Variants in LAMA1 observed in about 807,000 individuals in gnomAD.
LAMA1 encodes laminin subunit alpha 1.
In LAMA1, 219 loss-of-function variants were observed where a neutral mutation model predicts 348.7. That is an observed-to-expected ratio of 0.63 (90% CI 0.56 to 0.70). The LOEUF is 0.70. Among genes scored for constraint, LAMA1 ranks in the 30% least tolerant of loss-of-function variants. The pLI is 0.00. For synonymous variants in LAMA1, 1,487 were observed against 1,491.0 expected (o/e 1.00, Z 0.06); for missense variants, 3,744 against 3,888.0 (o/e 0.96, Z 0.99).
intron 1 of LAMA1, 132 bp downstream of exon 1, chr18:7,117,528 G>C: frequency 1.1e-6 from 1 of 886,964 alleles, no homozygotes; most frequent in Non-Finnish European, 1.7e-6. Context: ...ACGTGGCCGA[G>C]ACACCCACTC....
chr18:6,968,870 GCTACA>G (rs2057645713), intron 48 of LAMA1, among the ~76,000 whole-genome samples: 1 of 152,136 alleles, frequency 6.6e-6, no homozygotes, highest in Non-Finnish European at 1.5e-5. Context: ...ACATCGATGG[GCTACA>G]CTAATGATTT....
chr18:7,049,225 G>C lies in LAMA1; in HGVS notation c.621C>G (p.Ser207Arg), dbSNP rs756452947. The change falls in exon 5 of 63, where the codon AGC becomes AGG. Residue 207 changes from serine (S) to arginine (R), a missense_variant. Transcript: ENST00000389658. ...IHTSLINGRP[S>R]ADDLSPKLLE... ...ACAACTTGGGTGAAAGATCGTCAGCGCTTGGTCTGCCATTGATGAGTGATG... is the reference window on the plus strand; with the variant it reads ...ACAACTTGGGTGAAAGATCGTCAGCCCTTGGTCTGCCATTGATGAGTGATG... The C allele has an allele frequency of 6.2e-7, 1 of 1,614,064 alleles. No homozygotes were observed. The highest frequency in any genetic ancestry group is 1.7e-5 in the Admixed American group (1 of 60,000).
intron 13 of LAMA1, among the ~76,000 whole-genome samples, chr18:7,035,518 G>A (rs1473931881): frequency 6.6e-6 from 1 of 151,890 alleles, no homozygotes; most frequent in East Asian, 1.9e-4. Flanking sequence ...GAACTCCTGG[G>A]CTCAAGCCAT....
chr18:7,037,357 C>T (rs2057999733), intron 12 of LAMA1, among the ~76,000 whole-genome samples: 1 of 152,298 alleles, frequency 6.6e-6, no homozygotes, highest in East Asian at 1.9e-4. Flanking sequence ...GCTCAGGAAC[C>T]AGACCAGAAG....
chr18:7,044,651 T>A, intron 7 of LAMA1, 71 bp downstream of exon 7: 1 of 1,194,200 alleles, frequency 8.4e-7, no homozygotes, highest in African/African-American at 1.5e-5. Context: ...ATAAAAGTTG[T>A]TAAGACACCA....
Position 6,958,627 on chromosome 18 carries a change from A to T in LAMA1, c.7814T>A (p.Val2605Glu). The stretch of plus-strand genomic sequence containing the variant: ...TACTAATGTGCCCAACTTCATTTCC[A>T]CAGGATTGTTCTCATCCAATTGGAC... The part of the protein sequence containing the change: ...ITVQLDENNP[V>E]EMKLGTLVES... The change falls in exon 55 of 63, where the codon GTG becomes GAG. Residue 2605 changes from valine to glutamate, a missense_variant. Val to Glu is a moderately radical substitution (Grantham distance 121). Coordinates refer to ENST00000389658, the MANE Select transcript of LAMA1 (RefSeq NM_005559.4). 1 of 1,614,188 alleles carries T rather than the reference A, an allele frequency of 6.2e-7. No homozygotes were observed. Among genetic ancestry groups the T allele is most frequent in the Non-Finnish European group, 8.5e-7 (1 of 1,180,002 alleles).
intron 30 of LAMA1, among the ~76,000 whole-genome samples, chr18:7,000,579 G>C (rs989665752): frequency 6.6e-6 from 1 of 152,174 alleles, no homozygotes; most frequent in Non-Finnish European, 1.5e-5. Context: ...TTTAATCATC[G>C]ACTGGGATTT....
At chr18:7,001,546 C>CA (rs1568025611) in intron 30 of LAMA1, among the ~76,000 whole-genome samples, 1 of 152,116 alleles carries the variant, frequency 6.6e-6, no homozygotes, top group Non-Finnish European at 1.5e-5. Flanking sequence ...CATCAGGCAT[C>CA]ATTTACTTGG....
intron 54 of LAMA1, 141 bp downstream of exon 54, chr18:6,959,200 A>G: frequency 9.3e-7 from 1 of 1,075,354 alleles, no homozygotes; most frequent in East Asian, 2.4e-5. Context: ...CCAGGAAAGA[A>G]TCCTAGCAAG....
chr18:6,961,343 G>T (rs978463116), intron 53 of LAMA1, among the ~76,000 whole-genome samples: 6 of 152,138 alleles, frequency 3.9e-5, no homozygotes, highest in South Asian at 2.1e-4. Flanking sequence ...AAAATTAGAG[G>T]TAGACAGCAA....
intron 33 of LAMA1, 35 bp downstream of exon 33, chr18:6,997,707 A>C (rs1048207933): frequency 6.2e-7 from 1 of 1,604,602 alleles, no homozygotes; most frequent in Non-Finnish European, 8.5e-7. Flanking sequence ...TTAATGATAC[A>C]AGTGTCTGTT....
chr18:6,966,224 T>C lies in LAMA1; in HGVS notation c.6973A>G (p.Thr2325Ala). ...YSVVEKSLPA[T>A]VTQIIMLFNT... ...AAAAGCATGATTATCTGGGTCACGG[T>C]AGCCGGAAGTGACTTCTCCACGACA... The change falls in exon 49 of 63, where the codon ACC (threonine) becomes GCC (alanine). Residue 2325 changes from threonine to alanine, a missense_variant. By Grantham distance (58) the Thr-to-Ala change is moderately conservative. Transcript: ENST00000389658. 6.2e-7 allele frequency: 1 copy of C among 1,614,046 alleles called. No homozygotes were observed. Among genetic ancestry groups the C allele is most frequent in the East Asian group, 2.2e-5 (1 of 44,872 alleles).
intron 61 of LAMA1, 81 bp downstream of exon 61, chr18:6,947,082 T>C: frequency 6.4e-7 from 1 of 1,565,186 alleles, no homozygotes; most frequent in Non-Finnish European, 8.8e-7. Flanking sequence ...TAGATAGTTG[T>C]GAATTTGAAT....
rs762530971 is a variant in LAMA1, at chr18:7,013,909, C to G, written c.3269G>C (p.Cys1090Ser). The G allele has an allele frequency of 6.2e-7, 1 of 1,613,526 alleles. No homozygotes were observed. Among genetic ancestry groups the G allele is most frequent in the African/African-American group, 1.3e-5 (1 of 74,908 alleles). The part of the protein sequence containing the change: ...GYRDFPDCVP[C>S]DCDLRGTSGD... ...CGACGTCCCCCTCAGGTCACAGTCA[C>G]AGGGAACACAGTCGGGAAAGTCTCT... Residue 1090 changes from cysteine (C) to serine (S), a missense_variant, in exon 23 of 63, where the codon TGT (cysteine) becomes TCT (serine). Transcript: ENST00000389658.
At chr18:7,085,749 A>G (rs2058214796) in intron 1 of LAMA1, among the ~76,000 whole-genome samples, 1 of 152,110 alleles carries the variant, frequency 6.6e-6, no homozygotes, top group Non-Finnish European at 1.5e-5. Flanking sequence ...CATTCGCCCA[A>G]GTGAACATCT....
chr18:6,979,175 C>T (rs1213999288), intron 42 of LAMA1, among the ~76,000 whole-genome samples: 1 of 151,840 alleles, frequency 6.6e-6, no homozygotes, highest in Non-Finnish European at 1.5e-5. Context: ...TATACCATGG[C>T]ATCCTTATAA....
At chr18:7,098,269 A>AC (rs2058271522) in intron 1 of LAMA1, among the ~76,000 whole-genome samples, 1 of 151,746 alleles carries the variant, frequency 6.6e-6, no homozygotes, top group Non-Finnish European at 1.5e-5. Flanking sequence ...CCCGGCTGCC[A>AC]CCCCGTCTGG....
At chr18:7,078,051 T>TG (rs1311385376) in intron 3 of LAMA1, among the ~76,000 whole-genome samples, 1 of 115,446 alleles carries the variant, frequency 8.7e-6, no homozygotes, top group Non-Finnish European at 1.7e-5. Context: ...GTAATAAGAG[T>TG]GAAACTCCGT....
rs1426552456 is a variant in LAMA1 at position 7,024,413 on chromosome 18, C to G, written c.2456G>C (p.Cys819Ser). 6.2e-7 allele frequency: 1 copy of G among 1,614,106 alleles called. No individual in the cohort carries two copies. The highest frequency in any genetic ancestry group is 1.1e-5 in the South Asian group (1 of 91,060). Residue 819 changes from cysteine (C) to serine (S), a missense_variant, in exon 18 of 63, where the codon TGT becomes TCT. Physicochemically the swap from Cys to Ser is moderately radical, Grantham distance 112 (BLOSUM62 -1). Coordinates refer to ENST00000389658, the MANE Select transcript of LAMA1 (RefSeq NM_005559.4). Reference sequence around the variant, plus strand: ...CCAAGCTCCTGAGTAGCCCGGGGCACACCAGTCACAGACCACTTCATCTCC... The same window carrying G: ...CCAAGCTCCTGAGTAGCCCGGGGCAGACCAGTCACAGACCACTTCATCTCC... ...NDGDEVVCDW[C>S]APGYSGAWCE...
Sources: allele counts gnomAD v4.1 joint callset (sites outside exome capture counted in the v4.1 genomes callset), GRCh38; gene constraint gnomAD v4.1.1; transcripts MANE v1.5; gene names NCBI Gene and HGNC (gene_info 2026-07-23, HGNC 2026-07-21).